The following RIMBP2 variants were observed in gnomAD, a reference collection of about 807,000 sequenced individuals.
RIMBP2 encodes the protein RIMS-binding protein 2.
Under a neutral mutation model 118.6 loss-of-function variants are expected in RIMBP2, and 48 were observed. That is an observed-to-expected ratio of 0.40 (90% CI 0.32 to 0.51). The LOEUF (loss-of-function observed/expected upper bound fraction) is 0.51. Ranked by LOEUF, RIMBP2 falls within the 20% of genes least tolerant of loss-of-function variation. The pLI, the probability that RIMBP2 is intolerant of heterozygous loss-of-function variation, is 0.41. For synonymous variants in RIMBP2, 762 were observed against 742.9 expected, an observed-to-expected ratio of 1.03 and a Z score of -0.42; for missense variants, 1,551 against 1,768.3, an observed-to-expected ratio of 0.88 and a Z score of 2.20.
At chr12:130,560,632 C>T (rs940943864) in intron 2 of RIMBP2, among the ~76,000 whole-genome samples, 9 of 152,226 alleles carry the variant, frequency 5.9e-5, no homozygotes, top group Non-Finnish European at 7.3e-5. Flanking sequence ...GGCCAAGCTG[C>T]GCCTTTCCAT....
At chr12:130,503,748 A>G (rs1283950217) in intron 4 of RIMBP2, among the ~76,000 whole-genome samples, 2 of 152,130 alleles carry the variant, frequency 1.3e-5, no homozygotes, top group Non-Finnish European at 2.9e-5. Context: ...AATTGTTCAT[A>G]TTTTCTTTTC....
chr12:130,562,806 G>A (rs1018336938), intron 2 of RIMBP2, among the ~76,000 whole-genome samples: 17 of 152,234 alleles, frequency 1.1e-4, no homozygotes, highest in African/African-American at 3.9e-4. Context: ...GCAACCAAGT[G>A]CCTTCTCAAT....
At chr12:130,672,866 C>T (rs1326556754) in intron 1 of RIMBP2, among the ~76,000 whole-genome samples, 1 of 152,202 alleles carries the variant, frequency 6.6e-6, no homozygotes, top group Non-Finnish European at 1.5e-5. Context: ...AAATTGAAAA[C>T]ACAGCGTTTA....
intron 1 of RIMBP2, among the ~76,000 whole-genome samples, chr12:130,644,955 C>G (rs568445465): frequency 6.6e-6 from 1 of 152,312 alleles, no homozygotes; most frequent in African/African-American, 2.4e-5. Flanking sequence ...CAGTTGGGTC[C>G]GGGAGCCAGC....
intron 2 of RIMBP2, among the ~76,000 whole-genome samples, chr12:130,577,998 C>G (rs928590956): frequency 3.3e-5 from 5 of 152,164 alleles, no homozygotes; most frequent in Non-Finnish European, 7.3e-5. Flanking sequence ...TCTTATATAG[C>G]TACGGTTTTT....
chr12:130,543,822 T>C (rs1043535608), intron 2 of RIMBP2, among the ~76,000 whole-genome samples: 2 of 152,204 alleles, frequency 1.3e-5, no homozygotes, highest in Non-Finnish European at 2.9e-5. Flanking sequence ...GCCAGTCAGC[T>C]AAATGTTTTC....
At chr12:130,642,654 C>T (rs371292732) in intron 1 of RIMBP2, among the ~76,000 whole-genome samples, 20 of 152,202 alleles carry the variant, frequency 1.3e-4, no homozygotes, top group African/African-American at 4.3e-4. Flanking sequence ...CAACCCACAT[C>T]GACTAACATG....
intron 2 of RIMBP2, among the ~76,000 whole-genome samples, chr12:130,616,353 GC>G (rs1490277193): frequency 6.7e-6 from 1 of 150,248 alleles, no homozygotes; most frequent in Non-Finnish European, 1.5e-5. Flanking sequence ...CCTTATTTCT[GC>G]CTCCCCTATT....
intron 3 of RIMBP2, among the ~76,000 whole-genome samples, chr12:130,513,740 C>CT (rs1485473067): frequency 1.3e-5 from 2 of 152,182 alleles, no homozygotes; most frequent in East Asian, 3.8e-4. Flanking sequence ...ACCTAAGAAC[C>CT]AATCATTTCC....
intron 2 of RIMBP2, among the ~76,000 whole-genome samples, chr12:130,533,894 G>A (rs533701682): frequency 7.9e-5 from 12 of 151,854 alleles, no homozygotes; most frequent in African/African-American, 2.4e-4. Context: ...GGCTGGGTGC[G>A]GTGGCTCATG....
intron 2 of RIMBP2, among the ~76,000 whole-genome samples, chr12:130,618,890 G>A (rs1472154112): frequency 6.6e-6 from 1 of 152,130 alleles, no homozygotes; most frequent in Non-Finnish European, 1.5e-5. Context: ...AGAGAGGACC[G>A]AAGAAGGGAT....
chr12:130,404,558 C>T (rs11611522), intron 21 of RIMBP2, among the ~76,000 whole-genome samples: 20,954 of 152,192 alleles, frequency 0.14, 1,906 homozygotes, highest in East Asian at 0.41. Flanking sequence ...CCTCAGCCTC[C>T]GCATGAGTCA....
At chr12:130,704,404 G>A (rs2632605) in intron 1 of RIMBP2, among the ~76,000 whole-genome samples, 108,341 of 151,912 alleles carry the variant, frequency 0.71, 39,593 homozygotes, top group Middle Eastern at 0.85. Context: ...GCGAAACCCT[G>A]TCTCCACTAA....
chr12:130,594,652 C>T lies in RIMBP2; in HGVS notation c.-217+33670G>A, dbSNP rs557572483. Among the ~76,000 whole-genome samples, 4 of 152,116 alleles carry T rather than the reference C, an allele frequency of 2.6e-5. No homozygotes were observed. The East Asian group carries it at 7.7e-4, about 29-fold the overall frequency. On this transcript the variant is annotated intron_variant, in intron 2 of 22. Coordinates refer to ENST00000690449, the MANE Select transcript of RIMBP2 (RefSeq NM_001393629.1). ...AAGCCATCCTGGGCTGCATGTGGCC[C>T]ATGGGTAATGGGTTGGACAAGCTTG...
chr12:130,690,833 A>T (rs2065276856), intron 1 of RIMBP2, among the ~76,000 whole-genome samples: 1 of 152,046 alleles, frequency 6.6e-6, no homozygotes, highest in Non-Finnish European at 1.5e-5. Context: ...GTGCAGAGAG[A>T]ACCCAATAGC....
chr12:130,664,415 A>ACACGCACGCACACGCACGCACG (rs1555320883), intron 1 of RIMBP2, among the ~76,000 whole-genome samples: 11 of 130,588 alleles, frequency 8.4e-5, no homozygotes, highest in African/African-American at 1.1e-4. Context: ...ACGCACGCAC[A>ACACGCACGCACACGCACGCACG]CACACGCACA....
At chr12:130,684,558 T>C (rs557432994) in intron 1 of RIMBP2, among the ~76,000 whole-genome samples, 18 of 152,330 alleles carry the variant, frequency 1.2e-4, no homozygotes, top group African/African-American at 4.3e-4. Context: ...GTGAGGTGTT[T>C]CCAGGCTGTA....
intron 21 of RIMBP2, among the ~76,000 whole-genome samples, chr12:130,402,822 C>G (rs2074767285): frequency 6.6e-6 from 1 of 152,190 alleles, no homozygotes; most frequent in African/African-American, 2.4e-5. Context: ...CTTAGTACGC[C>G]ACGTGATGGC....
intron 2 of RIMBP2, among the ~76,000 whole-genome samples, chr12:130,545,904 C>A (rs939746181): frequency 6.6e-6 from 1 of 152,080 alleles, no homozygotes; most frequent in African/African-American, 2.4e-5. Flanking sequence ...AAAAACAAAG[C>A]CACAGGATTT....
Sources: allele counts gnomAD v4.1 joint callset (sites outside exome capture counted in the v4.1 genomes callset), GRCh38; gene constraint gnomAD v4.1.1; transcripts MANE v1.5; gene names NCBI Gene and HGNC (gene_info 2026-07-23, HGNC 2026-07-21).